Variants in MLH3 observed in about 807,000 individuals in gnomAD.
The protein encoded by MLH3 is mutL homolog 3.
In MLH3, 82 loss-of-function variants were observed where a neutral mutation model predicts 122.2. The ratio of observed to expected loss-of-function variants is 0.67; its 90% CI spans 0.56 to 0.81. The LOEUF is 0.81. Ranked by LOEUF, MLH3 falls within the 30% of genes least tolerant of loss-of-function variation. MLH3 has a pLI of 0.00. For missense variants in MLH3, 1,539 were observed against 1,714.5 expected, an observed-to-expected ratio of 0.90 and a Z score of 1.81; for synonymous variants, 524 against 599.5, an observed-to-expected ratio of 0.87 and a Z score of 1.84.
Position 75,038,429 on chromosome 14 carries a change from T to C in MLH3, c.3571-17A>G. The C allele has an allele frequency of 6.6e-7, 1 of 1,524,072 alleles. No individual in the cohort carries two copies. The highest frequency in any genetic ancestry group is 9.1e-7 in the Non-Finnish European group (1 of 1,098,350). The allele number at this position is 1,524,072 out of a possible 1,614,324, so 94.4% of individuals were successfully genotyped here. ...CTGGAGAACCTGTCAGACATTCAAA[T>C]AAGTGGTACAACACTAAATAAAAAT... On this transcript the variant is annotated splice_polypyrimidine_tract_variant and intron_variant, in intron 5 of 12. Coordinates refer to ENST00000355774, the MANE Select transcript of MLH3 (RefSeq NM_001040108.2).
chr14:75,038,417 C>A lies in MLH3; in HGVS notation c.3571-5G>T. On this transcript the variant is annotated splice_region_variant and splice_polypyrimidine_tract_variant and intron_variant, in intron 5 of 12. Coordinates refer to ENST00000355774, the MANE Select transcript of MLH3 (RefSeq NM_001040108.2). ...GTTATCTACTTGCTGGAGAACCTGT[C>A]AGACATTCAAATAAGTGGTACAACA... is the stretch of plus-strand genomic sequence containing the variant. 1 of 1,596,144 alleles carries A rather than the reference C, an allele frequency of 6.3e-7. No individual in the cohort carries two copies. The highest frequency in any genetic ancestry group is 1.3e-5 in the African/African-American group (1 of 74,660).
intron 9 of MLH3, among the ~76,000 whole-genome samples, chr14:75,025,935 C>T (rs1890599962): frequency 6.6e-6 from 1 of 152,152 alleles, no homozygotes; most frequent in African/African-American, 2.4e-5. Flanking sequence ...TCCTTTATTC[C>T]TTTCACGTTT....
chr14:75,034,096 G>A (rs550905333), intron 6 of MLH3, among the ~76,000 whole-genome samples: 7 of 151,882 alleles, frequency 4.6e-5, no homozygotes, highest in Admixed American at 3.9e-4. Context: ...GGGAGGCTGA[G>A]GCAGGAGAAT....
chr14:75,030,104 TG>T (rs1481993368), intron 9 of MLH3, among the ~76,000 whole-genome samples: 1 of 152,160 alleles, frequency 6.6e-6, no homozygotes, highest in African/African-American at 2.4e-5. Flanking sequence ...CAGTGAGCTA[TG>T]ATTGCACCAC....
At chr14:75,032,253 C>T (rs1192522826) in intron 7 of MLH3, 74 bp from the exon 8 acceptor site, 1 of 887,086 alleles carries the variant, frequency 1.1e-6, no homozygotes, top group Non-Finnish European at 1.9e-6. Flanking sequence ...TAAAGCACGG[C>T]CTTGAGATAA....
In MLH3 at chr14:75,042,428, G is replaced by C; in HGVS notation, c.3330C>G (p.Phe1110Leu). 6.2e-7 allele frequency: 1 copy of C among 1,614,200 alleles called. No homozygotes were observed. Among genetic ancestry groups the C allele is most frequent in the Non-Finnish European group, 8.5e-7 (1 of 1,180,028 alleles). ...QPFRSDLVLP[F>L]LPRARAERTV... The stretch of plus-strand genomic sequence containing the variant: ...TCCTCTCTGCTCGAGCTCTCGGAAG[G>C]AAAGGAAGAACAAGGTCGCTTCTAA... Residue 1110 changes from phenylalanine (F) to leucine (L), a missense_variant, in exon 3 of 13, where the codon TTC becomes TTG. Transcript: ENST00000355774.
intron 6 of MLH3, among the ~76,000 whole-genome samples, chr14:75,035,545 T>G (rs1891348882): frequency 6.6e-6 from 1 of 152,108 alleles, no homozygotes; most frequent in South Asian, 2.1e-4. Flanking sequence ...AACAAAAAAC[T>G]ATTACTTTTC....
Position 75,018,977 on chromosome 14 carries a change from G to A in MLH3, c.4094C>T (p.Ala1365Val). Residue 1365 changes from alanine to valine, a missense_variant, in exon 12 of 13, where the codon GCC becomes GTC. Coordinates refer to ENST00000355774, the MANE Select transcript of MLH3 (RefSeq NM_001040108.2). Reference protein sequence around the residue: ...KVLASQACHGAIKFNDGLSLQ... With the variant: ...KVLASQACHGVIKFNDGLSLQ... ...GCTCAGGCCATCATTAAACTTAATG[G>A]CCCCTAAATGAAAGACAGAAACAAG... The A allele has an allele frequency of 6.2e-7, 1 of 1,614,000 alleles. No individual in the cohort carries two copies. Among genetic ancestry groups the A allele is most frequent in the South Asian group, 1.1e-5 (1 of 91,080 alleles).
rs1334565528 is a variant in MLH3, at chr14:75,048,687, T to C, written c.969A>G (p.Pro323=). The change falls in exon 2 of 13, where the codon CCA becomes CCG. Residue 323 remains proline, a synonymous_variant. Transcript: ENST00000355774. ...TCTGAAATTCAATCAGAGTTTTGGC[T>C]GGCTCCATGCACACATCATACTCAC... The part of the protein sequence containing the change: ...QFCEYDVCME[P]AKTLIEFQNW... 2.5e-6 allele frequency: 4 copies of C among 1,614,110 alleles called. No homozygotes were observed. Among genetic ancestry groups the C allele is most frequent in the Non-Finnish European group, 3.4e-6 (4 of 1,180,046 alleles).
At chr14:75,039,875 A>ATATATT (rs1891707544) in intron 5 of MLH3, 36 bp downstream of exon 5, 2 of 401,956 alleles carry the variant, frequency 5.0e-6, no homozygotes, top group African/African-American at 5.3e-5. Flanking sequence ...ATATATATAT[A>ATATATT]TATATATTTA....
Position 75,046,887 on chromosome 14 carries a change from AAAT to A in MLH3, c.2766_2768del (p.Leu922del). On this transcript the variant is annotated inframe_deletion, in exon 2 of 13. Coordinates refer to ENST00000355774, the MANE Select transcript of MLH3 (RefSeq NM_001040108.2). ...TCTCTGTTTTTTCATGCTTGTTGTT[AAAT>A]AACATACAAAAATCTTGTGTTAACA... 1 of 1,614,000 alleles carries A rather than the reference AAAT, an allele frequency of 6.2e-7. No homozygotes were observed. Among genetic ancestry groups the A allele is most frequent in the Admixed American group, 1.7e-5 (1 of 60,014 alleles).
At chr14:75,025,136 C>T (rs1890549474) in intron 9 of MLH3, among the ~76,000 whole-genome samples, 1 of 152,200 alleles carries the variant, frequency 6.6e-6, no homozygotes, top group Non-Finnish European at 1.5e-5. Context: ...AGCAAACAAA[C>T]ACCTTTCCTC....
chr14:75,048,034 A>C lies in MLH3; in HGVS notation c.1622T>G (p.Ile541Ser). ...STTVNGMAAN[I>S]LKNNRIQNQP... Reference sequence around the variant, plus strand: ...ATTCTGAATTCTATTATTTTTCAAGATGTTGGCAGCCATGCCATTAACAGT... The same window carrying C: ...ATTCTGAATTCTATTATTTTTCAAGCTGTTGGCAGCCATGCCATTAACAGT... The change falls in exon 2 of 13, where the codon ATC becomes AGC. Residue 541 changes from isoleucine to serine, a missense_variant. By Grantham distance (142) the Ile-to-Ser change is moderately radical. Coordinates refer to ENST00000355774, the MANE Select transcript of MLH3 (RefSeq NM_001040108.2). 6.2e-7 allele frequency: 1 copy of C among 1,613,676 alleles called. No individual in the cohort carries two copies. Among genetic ancestry groups the C allele is most frequent in the South Asian group, 1.1e-5 (1 of 90,902 alleles).
chr14:75,037,935 T>C (rs1891532828), intron 6 of MLH3, among the ~76,000 whole-genome samples: 1 of 152,242 alleles, frequency 6.6e-6, no homozygotes, highest in African/African-American at 2.4e-5. Flanking sequence ...ACTAAATGTC[T>C]GTCGCCCAGG....
intron 6 of MLH3, among the ~76,000 whole-genome samples, chr14:75,035,425 G>A (rs1343247729): frequency 7.9e-5 from 12 of 152,290 alleles, no homozygotes; most frequent in African/African-American, 2.9e-4. Context: ...GGAAGGCTGA[G>A]GCTGGTGAAC....
At chr14:75,036,715 C>G (rs765197165) in intron 6 of MLH3, 2 of 455,980 alleles carry the variant, frequency 4.4e-6, no homozygotes, top group Non-Finnish European at 8.8e-6. Context: ...CTGCCTGCAA[C>G]ACGGGTCCTG....
intron 2 of MLH3, among the ~76,000 whole-genome samples, chr14:75,045,116 G>A (rs1892120137): frequency 6.6e-6 from 1 of 152,210 alleles, no homozygotes; most frequent in Non-Finnish European, 1.5e-5. Flanking sequence ...GATCACCTGA[G>A]GTCAGGAGAT....
In MLH3 at chr14:75,013,858, C is replaced by T. The variant is rs1469167258; in HGVS notation, c.*3224G>A. The T allele has an allele frequency of 4.5e-6, 1 of 220,718 alleles. No individual in the cohort carries two copies. The highest frequency in any genetic ancestry group is 6.6e-5 in the East Asian group (1 of 15,142). The allele number at this position is 220,718 out of a possible 1,614,324, so 13.7% of individuals were successfully genotyped here. On this transcript the variant is annotated 3_prime_UTR_variant, in exon 13 of 13. Coordinates refer to ENST00000355774, the MANE Select transcript of MLH3 (RefSeq NM_001040108.2). ...CTTCTTTTCCCCTCTTCTGGACCCACCTTTTTGCCATCTCACCGTTGATGA... is the reference window on the plus strand; with the variant it reads ...CTTCTTTTCCCCTCTTCTGGACCCATCTTTTTGCCATCTCACCGTTGATGA...
In MLH3 at chr14:75,038,397, C is replaced by A. The variant is rs1891569856; in HGVS notation, c.3586G>T (p.Asp1196Tyr). The A allele has an allele frequency of 6.2e-7, 1 of 1,612,672 alleles. No homozygotes were observed. Among genetic ancestry groups the A allele is most frequent in the Non-Finnish European group, 8.5e-7 (1 of 1,178,902 alleles). Residue 1196 changes from aspartate to tyrosine, a missense_variant, in exon 6 of 13, where the codon GAT becomes TAT. Coordinates refer to ENST00000355774, the MANE Select transcript of MLH3 (RefSeq NM_001040108.2). The stretch of plus-strand genomic sequence containing the variant: ...ATCAAACAGGCAATAAACTTGTTAT[C>A]TACTTGCTGGAGAACCTGTCAGACA... ...IHSMQVLQQV[D>Y]NKFIACLMST...
Sources: gnomAD v4.1 joint callset for allele counts (sites outside exome capture counted in the v4.1 genomes callset) on GRCh38, gnomAD v4.1.1 for gene constraint, MANE v1.5 for transcripts, NCBI Gene and HGNC (gene_info 2026-07-23, HGNC 2026-07-21) for gene names.